The following GRIP1 variants were observed in gnomAD, a reference collection of about 807,000 sequenced individuals.
GRIP1 encodes the protein glutamate receptor interacting protein 1.
Under a neutral mutation model 129.9 loss-of-function variants are expected in GRIP1, and 45 were observed. That is an observed-to-expected ratio of 0.35 (90% CI 0.27 to 0.44). The LOEUF is 0.44. Among genes scored for constraint, GRIP1 ranks in the 20% least tolerant of loss-of-function variants. The pLI is 1.00. For missense variants in GRIP1, 1,196 were observed against 1,396.8 expected, an observed-to-expected ratio of 0.86 and a Z score of 2.29; for synonymous variants, 530 against 520.8, an observed-to-expected ratio of 1.02 and a Z score of -0.24.
At chr12:66,476,887 A>G (rs1288476150) in intron 7 of GRIP1, among the ~76,000 whole-genome samples, 1 of 152,200 alleles carries the variant, frequency 6.6e-6, no homozygotes, top group Non-Finnish European at 1.5e-5. Flanking sequence ...TAAAAATAAT[A>G]AGAACTATTT....
intron 1 of GRIP1, among the ~76,000 whole-genome samples, chr12:67,025,872 CAG>C (rs1195746858): frequency 2.0e-5 from 3 of 152,186 alleles, no homozygotes; most frequent in Non-Finnish European, 2.9e-5. Flanking sequence ...TCATGTATAA[CAG>C]TGCTTTCTCA....
At chr12:66,682,947 C>T (rs1183520392), upstream of GRIP1, among the ~76,000 whole-genome samples, 4 of 152,050 alleles carry the variant, frequency 2.6e-5, no homozygotes, top group African/African-American at 9.7e-5. Flanking sequence ...CATTTCTTTT[C>T]CTTTGCATGC....
At chr12:66,925,528 T>A (rs1203176565) in intron 1 of GRIP1, among the ~76,000 whole-genome samples, 1 of 152,150 alleles carries the variant, frequency 6.6e-6, no homozygotes, top group Non-Finnish European at 1.5e-5. Flanking sequence ...TGTCACTTAG[T>A]AAAGAAAACA....
At chr12:66,770,803 ACTTAG>A (rs1353979222) in intron 1 of GRIP1, among the ~76,000 whole-genome samples, 7 of 152,174 alleles carry the variant, frequency 4.6e-5, no homozygotes, top group Admixed American at 3.3e-4. Flanking sequence ...CAAAGTGAAA[ACTTAG>A]CAGTTGGCGG....
At chr12:66,714,664 G>A (rs1355695017) in intron 1 of GRIP1, among the ~76,000 whole-genome samples, 2 of 151,956 alleles carry the variant, frequency 1.3e-5, no homozygotes, top group Non-Finnish European at 2.9e-5. Flanking sequence ...ACCTTCTTCA[G>A]TATGCTACAA....
At chr12:66,680,201 TCTCTA>T (rs1565963330), upstream of GRIP1, among the ~76,000 whole-genome samples, 1 of 152,228 alleles carries the variant, frequency 6.6e-6, no homozygotes, top group Non-Finnish European at 1.5e-5. Flanking sequence ...ACAGTTTTAT[TCTCTA>T]CTCTTCAGGC....
At chr12:66,475,116 A>T (rs931143971) in intron 7 of GRIP1, among the ~76,000 whole-genome samples, 1 of 152,208 alleles carries the variant, frequency 6.6e-6, no homozygotes, top group Admixed American at 6.5e-5. Context: ...TAGGATCAAA[A>T]TAAAGGGATG....
At chr12:66,984,192 C>T (rs2042278010) in intron 1 of GRIP1, among the ~76,000 whole-genome samples, 1 of 152,144 alleles carries the variant, frequency 6.6e-6, no homozygotes, top group Admixed American at 6.6e-5. Context: ...ACAGCAAAAC[C>T]TAGACATCCC....
chr12:66,889,322 G>T (rs1042986722), intron 1 of GRIP1, among the ~76,000 whole-genome samples: 1 of 152,110 alleles, frequency 6.6e-6, no homozygotes, highest in African/African-American at 2.4e-5. Flanking sequence ...TTAGCCAGGC[G>T]TGGTGGCAGG....
intron 1 of GRIP1, among the ~76,000 whole-genome samples, chr12:66,743,627 C>A (rs2036858091): frequency 1.3e-5 from 2 of 151,948 alleles, no homozygotes; most frequent in South Asian, 2.1e-4. Context: ...TGCACTCAAC[C>A]TTTACCAGGA....
intron 1 of GRIP1, among the ~76,000 whole-genome samples, chr12:66,608,325 G>A (rs1305415548): frequency 6.6e-6 from 1 of 152,062 alleles, no homozygotes; most frequent in Non-Finnish European, 1.5e-5. Flanking sequence ...TTAGACCAGA[G>A]AGAGGTTTTT....
chr12:66,935,709 T>C (rs1251839764), intron 1 of GRIP1, among the ~76,000 whole-genome samples: 2 of 152,066 alleles, frequency 1.3e-5, no homozygotes, highest in African/African-American at 4.8e-5. Context: ...AACAAATTTA[T>C]AGACAAAAAA....
At chr12:66,458,216 CT>C (rs1265219931) in intron 9 of GRIP1, among the ~76,000 whole-genome samples, 2 of 83,588 alleles carry the variant, frequency 2.4e-5, no homozygotes, top group South Asian at 3.1e-4. Flanking sequence ...TGGATTCCCC[CT>C]CTCTCTCCAC....
intron 1 of GRIP1, among the ~76,000 whole-genome samples, chr12:67,019,726 A>G (rs1158022489): frequency 6.6e-6 from 1 of 152,170 alleles, no homozygotes; most frequent in Non-Finnish European, 1.5e-5. Flanking sequence ...ACATGTTAAA[A>G]AAGAGAATAA....
rs574404175 is a variant in GRIP1 at position 66,577,714 on chromosome 12, C to T, written c.136+19133G>A. The stretch of plus-strand genomic sequence containing the variant: ...CCTGTAATTCCAGTACTTTGGGAGG[C>T]TGAGATGGGAGGATTGCTTGAGCCC... On this transcript the variant is annotated intron_variant, in intron 2 of 24. Transcript: ENST00000359742. 2.5e-3 allele frequency among the ~76,000 whole-genome samples: 377 copies of T among 152,176 alleles called. 1 individual carries two copies. Among genetic ancestry groups the T allele is most frequent in the Middle Eastern group, 6.8e-3 (2 of 294 alleles).
At chr12:66,578,231 G>GTTTTTTTTT (rs1462512737) in intron 2 of GRIP1, among the ~76,000 whole-genome samples, 1 of 31,502 alleles carries the variant, frequency 3.2e-5, no homozygotes, top group Non-Finnish European at 6.0e-5. Flanking sequence ...GCAAAACCGC[G>GTTTTTTTTT]GTTTTTTTTT....
intron 1 of GRIP1, among the ~76,000 whole-genome samples, chr12:66,737,089 T>C (rs2036627945): frequency 1.3e-5 from 2 of 152,160 alleles, no homozygotes; most frequent in African/African-American, 4.8e-5. Flanking sequence ...GTGGGTTGAA[T>C]AAATTATGGG....
chr12:66,633,566 C>T (rs1156283757), intron 1 of GRIP1, among the ~76,000 whole-genome samples: 1 of 151,946 alleles, frequency 6.6e-6, no homozygotes, highest in Non-Finnish European at 1.5e-5. Context: ...CTTTTGAGTA[C>T]CTGAAGATGG....
chr12:66,699,264 T>G (rs941551877), intron 1 of GRIP1, among the ~76,000 whole-genome samples: 1 of 152,218 alleles, frequency 6.6e-6, no homozygotes, highest in African/African-American at 2.4e-5. Flanking sequence ...GTGGGGCTTC[T>G]GTGGTTCAAT....
Sources: gnomAD v4.1 joint callset for allele counts (sites outside exome capture counted in the v4.1 genomes callset) on GRCh38, gnomAD v4.1.1 for gene constraint, MANE v1.5 for transcripts, NCBI Gene and HGNC (gene_info 2026-07-23, HGNC 2026-07-21) for gene names.